KLF8: variants seen among roughly 807,000 people sequenced by gnomAD.
KLF8 encodes Krueppel-like factor 8.
A neutral mutation model predicts 18.2 loss-of-function variants in KLF8; 10 were observed. That is an observed-to-expected ratio of 0.55 (90% CI 0.34 to 0.93). KLF8 has a LOEUF of 0.93. Ranked by LOEUF, KLF8 falls within the 40% of genes least tolerant of loss-of-function variation. The pLI is 0.02. For missense variants in KLF8, 264 were observed against 277.9 expected (o/e 0.95, Z 0.36); for synonymous variants, 109 against 97.3 (o/e 1.12, Z -0.71).
the KLF8 span, among the ~76,000 whole-genome samples, chrX:56,116,535 TGG>T: frequency 1.1e-4 from 12 of 108,203 alleles, no homozygotes; most frequent in African/African-American, 4.0e-4. Context: ...TGAGAGAAGA[TGG>T]GCATCAGCTG....
the KLF8 span, among the ~76,000 whole-genome samples, chrX:56,211,736 A>C: frequency 9.0e-6 from 1 of 111,586 alleles, no homozygotes; most frequent in Admixed American, 9.5e-5. Context: ...CTTGCACTCA[A>C]ACCACAAGAT....
chrX:56,194,603 C>T, the KLF8 span, among the ~76,000 whole-genome samples: 55 of 112,483 alleles, frequency 4.9e-4, no homozygotes, highest in African/African-American at 1.7e-3. Flanking sequence ...AGTCCTACTG[C>T]CTCTAGACTC....
At chrX:55,945,178 G>T in the KLF8 span, among the ~76,000 whole-genome samples, 1 of 111,124 alleles carries the variant, frequency 9.0e-6, no homozygotes, top group African/African-American at 3.3e-5. Flanking sequence ...TGGTTTGATT[G>T]CACTGTGGTC....
the KLF8 span, among the ~76,000 whole-genome samples, chrX:56,161,444 T>A: frequency 8.7e-3 from 973 of 112,145 alleles, 14 homozygotes; most frequent in African/African-American, 0.03. Context: ...TAGTCCCATA[T>A]TTGTTGGAAG....
the KLF8 span, among the ~76,000 whole-genome samples, chrX:56,186,852 G>A: frequency 1.8e-5 from 2 of 111,851 alleles, no homozygotes; most frequent in African/African-American, 6.5e-5. Flanking sequence ...CAACATACCA[G>A]AATCTCTGGG....
At chrX:56,139,210 G>T in the KLF8 span, among the ~76,000 whole-genome samples, 1 of 111,769 alleles carries the variant, frequency 8.9e-6, no homozygotes, top group Non-Finnish European at 1.9e-5. Flanking sequence ...AATCAATATT[G>T]TTAATGTGGC....
At chrX:56,033,676 A>G in the KLF8 span, among the ~76,000 whole-genome samples, 2 of 111,220 alleles carry the variant, frequency 1.8e-5, no homozygotes, top group Non-Finnish European at 3.8e-5. Context: ...ACTTGTTATC[A>G]CTTCTCTTTT....
the KLF8 span, among the ~76,000 whole-genome samples, chrX:55,912,595 G>T: frequency 9.0e-6 from 1 of 111,337 alleles, no homozygotes; most frequent in African/African-American, 3.3e-5. Context: ...GAAAACTGAG[G>T]CACAGGAAAG....
chrX:55,960,503 G>GTCTGTC, the KLF8 span, among the ~76,000 whole-genome samples: 1 of 109,982 alleles, frequency 9.1e-6, no homozygotes, highest in Non-Finnish European at 1.9e-5. Flanking sequence ...CAACAAGAGT[G>GTCTGTC]AAACTCTGTC....
At chrX:56,033,589 CCA>C in the KLF8 span, among the ~76,000 whole-genome samples, 1 of 111,889 alleles carries the variant, frequency 8.9e-6, no homozygotes, top group African/African-American at 3.2e-5. Context: ...TGAGGAACCA[CCA>C]CACACTTTTT....
the KLF8 span, among the ~76,000 whole-genome samples, chrX:56,076,304 C>A: frequency 1.5e-5 from 1 of 64,542 alleles, no homozygotes; most frequent in Non-Finnish European, 2.8e-5. Flanking sequence ...CCCCACCCCA[C>A]AACAGTCCCC....
chrX:56,024,941 G>A, the KLF8 span, among the ~76,000 whole-genome samples: 255 of 111,786 alleles, frequency 2.3e-3, no homozygotes, highest in African/African-American at 8.0e-3. Flanking sequence ...TCTCACCTTG[G>A]CCTCCCAAAG....
At chrX:56,076,432 T>A in the KLF8 span, among the ~76,000 whole-genome samples, 2 of 109,939 alleles carry the variant, frequency 1.8e-5, no homozygotes, top group African/African-American at 6.6e-5. Context: ...AGAATGATGA[T>A]TTCCAATTTC....
At chrX:56,035,141 T>G in the KLF8 span, among the ~76,000 whole-genome samples, 3 of 112,081 alleles carry the variant, frequency 2.7e-5, no homozygotes, top group Non-Finnish European at 5.6e-5. Context: ...TCCCAGCCTC[T>G]GGTATCCTCT....
chrX:56,081,536 T>A, the KLF8 span, among the ~76,000 whole-genome samples: 8 of 112,227 alleles, frequency 7.1e-5, no homozygotes, highest in African/African-American at 2.3e-4. Flanking sequence ...GTGGTGAAAG[T>A]GGGCAACCCT....
chrX:56,078,106 C>CT, the KLF8 span, among the ~76,000 whole-genome samples: 1 of 111,238 alleles, frequency 9.0e-6, no homozygotes, highest in African/African-American at 3.3e-5. Context: ...GTTTGACTTC[C>CT]TCTTTTCCTA....
the KLF8 span, among the ~76,000 whole-genome samples, chrX:56,210,659 G>A: frequency 4.6e-4 from 51 of 109,942 alleles, no homozygotes; most frequent in South Asian, 0.02. Context: ...CTTCTTTAAG[G>A]CCAGTTACTC....
chrX:56,064,747 G>T, the KLF8 span, among the ~76,000 whole-genome samples: 5 of 111,185 alleles, frequency 4.5e-5, no homozygotes, highest in South Asian at 3.8e-4. Context: ...TCACTTCCAG[G>T]TGTACGACTT....
At chrX:56,049,007 G>A in the KLF8 span, among the ~76,000 whole-genome samples, 21 of 111,280 alleles carry the variant, frequency 1.9e-4, no homozygotes, top group African/African-American at 6.5e-4. Context: ...TGGATTCCTA[G>A]GTATTTTATT....
Sources: allele counts gnomAD v4.1 joint callset (sites outside exome capture counted in the v4.1 genomes callset), GRCh38; gene constraint gnomAD v4.1.1; transcripts MANE v1.5; gene names NCBI Gene and HGNC (gene_info 2026-07-23, HGNC 2026-07-21).